TMEM138: variants seen among roughly 807,000 people sequenced by gnomAD.
The protein encoded by TMEM138 is transmembrane protein 138.
In TMEM138, 9 loss-of-function variants were observed where a neutral mutation model predicts 18.1. That is an observed-to-expected ratio of 0.50 (90% CI 0.30 to 0.87). The LOEUF (loss-of-function observed/expected upper bound fraction) is 0.87, where lower values mean the gene tolerates loss of function less well. TMEM138 is among the 40% of genes least tolerant of loss of function. The pLI, the probability that TMEM138 is intolerant of heterozygous loss-of-function variation, is 0.06. For synonymous variants in TMEM138, 79 were observed against 74.8 expected (o/e 1.06, Z -0.29); for missense variants, 189 against 190.6 (o/e 0.99, Z 0.05).
chr11:61,369,851 A>G (rs1374804784), downstream of TMEM138, among the ~76,000 whole-genome samples: 1 of 152,220 alleles, frequency 6.6e-6, no homozygotes, highest in Non-Finnish European at 1.5e-5. Flanking sequence ...AGAGCGGGAA[A>G]GTCCCAGTAT....
intron 4 of TMEM138, chr11:61,368,324 C>T: frequency 1.9e-6 from 1 of 513,796 alleles, no homozygotes; most frequent in Non-Finnish European, 3.6e-6. Context: ...CTCCCGGGTT[C>T]ACACCATTCT....
At chr11:61,363,871 A>C (rs1467935041) in intron 1 of TMEM138, 1 of 152,334 alleles carries the variant, frequency 6.6e-6, no homozygotes, top group Non-Finnish European at 1.5e-5. Flanking sequence ...TGGGGAAGGT[A>C]ATAATGTATT....
At position 61,368,585 on chromosome 11, in the gene TMEM138, T is replaced by G. The variant is rs1590629639; in HGVS notation, c.377-12T>G. ...GCACCCCTGAGGCTTCTCTTCTGCT[T>G]CCTCCCCACAGCAGCAGTGTTGTAC... On this transcript the variant is annotated splice_polypyrimidine_tract_variant and intron_variant, in intron 4 of 4. Coordinates refer to ENST00000278826, the MANE Select transcript of TMEM138 (RefSeq NM_016464.5). The G allele has an allele frequency of 6.3e-7, 1 of 1,594,630 alleles. No individual in the cohort carries two copies. Among genetic ancestry groups the G allele is most frequent in the Non-Finnish European group, 8.6e-7 (1 of 1,163,452 alleles).
downstream of TMEM138, among the ~76,000 whole-genome samples, chr11:61,375,193 AGAGTCAAGAAAACTTTTAAGCT>A (rs1162983216): frequency 2.0e-5 from 3 of 152,192 alleles, no homozygotes; most frequent in Non-Finnish European, 4.4e-5. Context: ...TTTGTTTTTC[AGAGTCAAGAAAACTTTTAAGCT>A]ATTTATAGCT....
downstream of TMEM138, among the ~76,000 whole-genome samples, chr11:61,370,206 C>T (rs1397487399): frequency 6.6e-6 from 1 of 152,148 alleles, no homozygotes; most frequent in African/African-American, 2.4e-5. Flanking sequence ...GTAGGGTGTG[C>T]AGGTCAGCAT....
intron 3 of TMEM138, 74 bp from the exon 4 acceptor site, chr11:61,367,849 C>G: frequency 1.1e-6 from 1 of 902,942 alleles, no homozygotes; most frequent in Admixed American, 1.8e-5. Flanking sequence ...ACTGGCATCT[C>G]TGCAGCTAAC....
chr11:61,368,667 C>G lies in TMEM138; in HGVS notation c.447C>G (p.Asp149Glu). Residue 149 changes from aspartate (D) to glutamate (E), a missense_variant, in exon 5 of 5, where the codon GAC (aspartate) becomes GAG (glutamate). Coordinates refer to ENST00000278826, the MANE Select transcript of TMEM138 (RefSeq NM_016464.5). ...TAGGCGATCCTCACTTCTACCAGGA[C>G]TCTTTGTGGCTGCGCAAGGAGTTCA... ...VRLGDPHFYQ[D>E]SLWLRKEFMQ... 6 of 1,614,188 alleles carry G rather than the reference C, an allele frequency of 3.7e-6. No homozygotes were observed. The South Asian group carries it at 5.5e-5, about 15-fold the overall frequency.
At position 61,368,621 on chromosome 11, in the gene TMEM138, A is replaced by G. The variant is rs762366399; in HGVS notation, c.401A>G (p.Tyr134Cys). 12 of 1,613,974 alleles carry G rather than the reference A, an allele frequency of 7.4e-6. No individual in the cohort carries two copies. The highest frequency in any genetic ancestry group is 1.0e-5 in the Non-Finnish European group (12 of 1,179,964). Residue 134 changes from tyrosine (Y) to cysteine (C), a missense_variant, in exon 5 of 5, where the codon TAT becomes TGT. By Grantham distance (194) the Tyr-to-Cys change is radical. Transcript: ENST00000278826. ...RLAAVLYCYFYKRTAVRLGDP... is the reference protein window; with the variant it reads ...RLAAVLYCYFCKRTAVRLGDP... ...GCAGCAGTGTTGTACTGCTACTTCTATAAACGGACAGCCGTAAGACTAGGC... is the reference window on the plus strand; with the variant it reads ...GCAGCAGTGTTGTACTGCTACTTCTGTAAACGGACAGCCGTAAGACTAGGC...
At chr11:61,376,421 C>A (rs1375501065), downstream of TMEM138, among the ~76,000 whole-genome samples, 3 of 152,050 alleles carry the variant, frequency 2.0e-5, no homozygotes, top group Non-Finnish European at 4.4e-5. Flanking sequence ...TTGTTAGATT[C>A]TTGTCTTGCC....
chr11:61,369,281 A>G lies in TMEM138; in HGVS notation c.*572A>G, dbSNP rs1471532183. The G allele has an allele frequency of 2.0e-5, 3 of 152,966 alleles. No homozygotes were observed. The highest frequency in any genetic ancestry group is 2.1e-4 in the South Asian group (1 of 4,874). 9.5% of individuals were successfully genotyped at this position (152,966 alleles called of 1,614,324 possible). A position where few individuals can be genotyped will look rare whatever the true frequency, so the allele number is the denominator to read the frequency against. On this transcript the variant is annotated 3_prime_UTR_variant, in exon 5 of 5. Transcript: ENST00000278826. ...CGTGCCAAGGTCCAGCTTAACATCT[A>G]CTTGACCCAGAGGGAAGATGGAGCC... is the stretch of plus-strand genomic sequence containing the variant.
intron 1 of TMEM138, chr11:61,362,959 CG>C (rs1472047673): frequency 6.6e-6 from 1 of 152,244 alleles, no homozygotes; most frequent in Non-Finnish European, 1.5e-5. Flanking sequence ...TTAATGCGGC[CG>C]GGCGCAGTGG....
chr11:61,368,505 C>A, intron 4 of TMEM138, 92 bp from the exon 5 acceptor site: 1 of 798,036 alleles, frequency 1.3e-6, no homozygotes, highest in Non-Finnish European at 2.1e-6. Context: ...GGATTACAGG[C>A]GTGAGCCACC....
At chr11:61,364,692 C>A in intron 2 of TMEM138, 174 bp downstream of exon 2, 1 of 816,568 alleles carries the variant, frequency 1.2e-6, no homozygotes, top group Non-Finnish European at 1.9e-6. Flanking sequence ...AGTTTGAGGA[C>A]CAGCCTAGGC....
chr11:61,366,410 C>T (rs772048322), intron 3 of TMEM138, 194 bp downstream of exon 3: 1 of 543,914 alleles, frequency 1.8e-6, no homozygotes, highest in Non-Finnish European at 3.1e-6. Flanking sequence ...TGTGCCCGGC[C>T]TGAACTCTGA....
chr11:61,375,836 C>T (rs1858428075), downstream of TMEM138, among the ~76,000 whole-genome samples: 1 of 152,178 alleles, frequency 6.6e-6, no homozygotes, highest in African/African-American at 2.4e-5. Flanking sequence ...CACACAGCCG[C>T]TGTCCAAGGT....
intron 2 of TMEM138, 139 bp downstream of exon 2, chr11:61,364,657 G>A: frequency 8.4e-7 from 1 of 1,183,754 alleles, no homozygotes; most frequent in East Asian, 2.5e-5. Flanking sequence ...GGGAAGCCAA[G>A]GCAGGAGGAT....
At chr11:61,362,847 A>G (rs1243825468) in intron 1 of TMEM138, 15 of 152,362 alleles carry the variant, frequency 9.8e-5, no homozygotes, top group Admixed American at 9.8e-4. Context: ...TAGAATAGGA[A>G]TAATTCCCAC....
chr11:61,367,840 C>A, intron 3 of TMEM138, 83 bp from the exon 4 acceptor site: 1 of 826,730 alleles, frequency 1.2e-6, no homozygotes, highest in Non-Finnish European at 2.1e-6. Context: ...TTTAAAGCAA[C>A]TGGCATCTCT....
chr11:61,368,211 TTTTGTTTGTTTG>T (rs113018914), intron 4 of TMEM138: 33 of 670,814 alleles, frequency 4.9e-5, no homozygotes, highest in East Asian at 1.7e-4. Context: ...GTTCTGTTCT[TTTTGTTTGTTTG>T]TTTGTTTGTT....
Sources: allele counts gnomAD v4.1 joint callset (sites outside exome capture counted in the v4.1 genomes callset), GRCh38; gene constraint gnomAD v4.1.1; transcripts MANE v1.5; gene names NCBI Gene and HGNC (gene_info 2026-07-23, HGNC 2026-07-21).